The following DPP6 variants were observed in gnomAD, a reference collection of about 807,000 sequenced individuals.
The protein encoded by DPP6 is dipeptidyl peptidase like 6.
Under a neutral mutation model 122.6 loss-of-function variants are expected in DPP6, and 69 were observed. The ratio of observed to expected loss-of-function variants is 0.56; its 90% CI spans 0.46 to 0.69. The LOEUF is 0.69. Ranked by LOEUF, DPP6 falls within the 30% of genes least tolerant of loss-of-function variation. The pLI is 0.00. For synonymous variants in DPP6, 418 were observed against 433.1 expected, an observed-to-expected ratio of 0.97 and a Z score of 0.43; for missense variants, 928 against 1,116.9, an observed-to-expected ratio of 0.83 and a Z score of 2.41.
intron 3 of DPP6, among the ~76,000 whole-genome samples, chr7:154,497,090 A>G (rs1824809359): frequency 6.6e-6 from 1 of 152,176 alleles, no homozygotes; most frequent in South Asian, 2.1e-4. Context: ...AGGTTAAAAT[A>G]GCCCAGTGGT....
chr7:154,851,906 G>A (rs1339470098), intron 16 of DPP6, among the ~76,000 whole-genome samples: 4 of 152,120 alleles, frequency 2.6e-5, no homozygotes, highest in Non-Finnish European at 5.9e-5. Flanking sequence ...TTGTGCATGG[G>A]GTAGAGACTG....
At chr7:154,308,969 CAA>C (rs952887426) in intron 1 of DPP6, among the ~76,000 whole-genome samples, 6 of 152,056 alleles carry the variant, frequency 3.9e-5, no homozygotes, top group African/African-American at 9.7e-5. Flanking sequence ...CACACACAAA[CAA>C]ATGCACACAC....
chr7:154,580,706 C>T (rs576086222), intron 5 of DPP6, among the ~76,000 whole-genome samples: 5 of 152,126 alleles, frequency 3.3e-5, no homozygotes, highest in Non-Finnish European at 7.4e-5. Context: ...CAGGGAAGGC[C>T]GACGGAGAAG....
intron 1 of DPP6, among the ~76,000 whole-genome samples, chr7:153,895,013 A>AGTCAG (rs1799348439): frequency 6.6e-6 from 1 of 152,192 alleles, no homozygotes; most frequent in South Asian, 2.1e-4. Flanking sequence ...AAAAGTAAAT[A>AGTCAG]GTCACCAGGG....
At chr7:154,505,245 T>G (rs964137465) in intron 3 of DPP6, among the ~76,000 whole-genome samples, 2 of 152,206 alleles carry the variant, frequency 1.3e-5, no homozygotes, top group Non-Finnish European at 2.9e-5. Flanking sequence ...AAATAAACTT[T>G]TTATGTTTTA....
At chr7:154,411,677 C>T (rs963531649) in intron 1 of DPP6, among the ~76,000 whole-genome samples, 9 of 152,168 alleles carry the variant, frequency 5.9e-5, no homozygotes, top group African/African-American at 2.2e-4. Flanking sequence ...CATTTATGAA[C>T]TCTGTTTTCT....
intron 18 of DPP6, among the ~76,000 whole-genome samples, chr7:154,871,472 C>CTTTAT (rs1298088289): frequency 6.6e-6 from 1 of 152,146 alleles, no homozygotes; most frequent in Non-Finnish European, 1.5e-5. Context: ...TAATGCTTTT[C>CTTTAT]TTTATTTTAT....
At chr7:154,105,428 G>A (rs1008466402) in intron 1 of DPP6, among the ~76,000 whole-genome samples, 3 of 152,166 alleles carry the variant, frequency 2.0e-5, no homozygotes, top group African/African-American at 7.2e-5. Context: ...CCAGAGCCTT[G>A]GCTGCAAATA....
chr7:154,794,292 G>C (rs985500215), intron 11 of DPP6, 90 bp downstream of exon 11: 2 of 1,437,130 alleles, frequency 1.4e-6, no homozygotes, highest in Non-Finnish European at 1.8e-6. Context: ...CTCAGCCCTC[G>C]GGCCTGGGAC....
At chr7:153,912,736 A>C (rs1002489369) in intron 1 of DPP6, among the ~76,000 whole-genome samples, 7 of 152,120 alleles carry the variant, frequency 4.6e-5, no homozygotes, top group Non-Finnish European at 8.8e-5. Flanking sequence ...GGGGGAGAAA[A>C]TGAAAGTTTT....
chr7:154,124,899 T>G (rs999310961), intron 1 of DPP6, among the ~76,000 whole-genome samples: 1 of 152,172 alleles, frequency 6.6e-6, no homozygotes, highest in Non-Finnish European at 1.5e-5. Context: ...ACACAGATTA[T>G]GTTCCGAACC....
chr7:154,019,751 C>T (rs1251653344), intron 1 of DPP6, among the ~76,000 whole-genome samples: 4 of 152,296 alleles, frequency 2.6e-5, no homozygotes, highest in Admixed American at 1.3e-4. Flanking sequence ...TTAGTAATAG[C>T]TTACAAATCA....
the DPP6 span, among the ~76,000 whole-genome samples, chr7:153,804,394 GTC>G: frequency 9.5e-4 from 144 of 152,100 alleles, no homozygotes; most frequent in African/African-American, 2.7e-3. Flanking sequence ...TCATGGTACC[GTC>G]ATTCATCAAT....
At chr7:154,213,923 C>T (rs1240939649) in intron 1 of DPP6, among the ~76,000 whole-genome samples, 1 of 152,140 alleles carries the variant, frequency 6.6e-6, no homozygotes. Context: ...AAGACAGAAT[C>T]CACTCTCCTC....
At chr7:154,189,772 A>G (rs1692216020) in intron 1 of DPP6, among the ~76,000 whole-genome samples, 1 of 152,116 alleles carries the variant, frequency 6.6e-6, no homozygotes, top group South Asian at 2.1e-4. Flanking sequence ...GTTTCAGTGT[A>G]TATCTTTCCA....
chr7:154,184,567 C>T (rs1389440996), intron 1 of DPP6, among the ~76,000 whole-genome samples: 1 of 151,860 alleles, frequency 6.6e-6, no homozygotes, highest in African/African-American at 2.4e-5. Context: ...GACCTCCGAC[C>T]GGCAGGTATG....
the DPP6 span, among the ~76,000 whole-genome samples, chr7:153,864,390 C>T: frequency 6.6e-5 from 10 of 152,100 alleles, no homozygotes; most frequent in Admixed American, 4.6e-4. Flanking sequence ...CGTGGTGGCT[C>T]ACACTTCTAA....
At chr7:154,413,008 A>G (rs1244584144) in intron 1 of DPP6, among the ~76,000 whole-genome samples, 1 of 152,258 alleles carries the variant, frequency 6.6e-6, no homozygotes, top group Non-Finnish European at 1.5e-5. Context: ...AGGCATCAGC[A>G]TCCCCTGGGA....
At position 154,757,304 on chromosome 7, in the gene DPP6, T is replaced by C. The variant is rs80144014; in HGVS notation, c.884-12113T>C. On this transcript the variant is annotated intron_variant, in intron 8 of 25. Transcript: ENST00000377770. ...AGGAACTGGCCAGCCTCTTCTCCTT[T>C]CCAATGGGTGTGCAGGTCCCTCCCT... Among the ~76,000 whole-genome samples the C allele has an allele frequency of 4.3e-3, 651 of 152,236 alleles. 4 individuals carry two copies. Among genetic ancestry groups the C allele is most frequent in the African/African-American group, 0.015 (626 of 41,538 alleles).
Sources: gnomAD v4.1 joint callset for allele counts (sites outside exome capture counted in the v4.1 genomes callset) on GRCh38, gnomAD v4.1.1 for gene constraint, MANE v1.5 for transcripts, NCBI Gene and HGNC (gene_info 2026-07-23, HGNC 2026-07-21) for gene names.